SLC17A4: variants seen among roughly 807,000 people sequenced by gnomAD.
SLC17A4 encodes the protein solute carrier family 17 member 4.
SLC17A4 carries 33 observed loss-of-function variants against 52.5 expected under a neutral mutation model. The observed-to-expected ratio is 0.63, with a 90% confidence interval of 0.48 to 0.84. The LOEUF (loss-of-function observed/expected upper bound fraction) is 0.84. Among genes scored for constraint, SLC17A4 ranks in the 40% least tolerant of loss-of-function variants. The pLI is 0.00. For missense variants in SLC17A4, 585 were observed against 597.1 expected, an observed-to-expected ratio of 0.98 and a Z score of 0.21; for synonymous variants, 225 against 216.2, an observed-to-expected ratio of 1.04 and a Z score of -0.36.
Position 25,779,708 on chromosome 6 carries a change from C to T in SLC17A4, c.*520C>T, listed in dbSNP as rs1260560200. The T allele has an allele frequency of 6.6e-6, 1 of 152,274 alleles. No individual in the cohort carries two copies. The highest frequency in any genetic ancestry group is 6.5e-5 in the Admixed American group (1 of 15,276). 9.4% of individuals were successfully genotyped at this position (152,274 alleles called of 1,614,324 possible). A position where few individuals can be genotyped will look rare whatever the true frequency, so the allele number is the denominator to read the frequency against. On this transcript the variant is annotated 3_prime_UTR_variant, in exon 12 of 12. Transcript: ENST00000377905. Reference sequence around the variant, plus strand: ...ATGGGAGCAAGATAGTACACTTTAACTCTTTCAGACAACTTGCATTCTGTG... The same window carrying T: ...ATGGGAGCAAGATAGTACACTTTAATTCTTTCAGACAACTTGCATTCTGTG...
At chr6:25,773,994 T>A (rs186913484) in intron 8 of SLC17A4, among the ~76,000 whole-genome samples, 20 of 152,192 alleles carry the variant, frequency 1.3e-4, no homozygotes, top group African/African-American at 4.3e-4. Flanking sequence ...CTCAATCCCA[T>A]CAAAATTTGC....
chr6:25,760,126 G>A (rs1761407635), intron 1 of SLC17A4, among the ~76,000 whole-genome samples: 1 of 152,146 alleles, frequency 6.6e-6, no homozygotes, highest in African/African-American at 2.4e-5. Context: ...TTTTTAAAAT[G>A]TTTATGAAAA....
At chr6:25,761,304 C>T (rs1191838574) in intron 1 of SLC17A4, among the ~76,000 whole-genome samples, 1 of 152,202 alleles carries the variant, frequency 6.6e-6, no homozygotes, top group Non-Finnish European at 1.5e-5. Context: ...GCATCTGACT[C>T]TATATTAGAA....
chr6:25,773,382 T>C lies in SLC17A4; in HGVS notation c.814T>C (p.Leu272=), dbSNP rs1185193042. The part of the protein sequence containing the change: ...AGEKRYIVCS[L]AQQDCSPGWS... The stretch of plus-strand genomic sequence containing the variant: ...TGAGAAGAGATACATTGTGTGTTCA[T>C]TGGCTCAGCAGGTACATTGAGGAAC... Residue 272 remains leucine (L), a synonymous_variant, in exon 7 of 12, where the codon TTG becomes CTG. Transcript: ENST00000377905. The C allele has an allele frequency of 6.2e-6, 10 of 1,613,846 alleles. No individual in the cohort carries two copies. Among genetic ancestry groups the C allele is most frequent in the Non-Finnish European group, 8.5e-6 (10 of 1,179,782 alleles).
At chr6:25,776,547 G>T in intron 8 of SLC17A4, 48 bp from the exon 9 acceptor site, 1 of 1,549,494 alleles carries the variant, frequency 6.5e-7, no homozygotes, top group South Asian at 1.3e-5. Context: ...CTGTGTCGTG[G>T]TGGGGGTGGT....
intron 5 of SLC17A4, 123 bp downstream of exon 5, chr6:25,770,594 C>A: frequency 1.2e-6 from 1 of 839,210 alleles, no homozygotes; most frequent in Admixed American, 2.0e-5. Flanking sequence ...CCTTAAAGCA[C>A]TACCCCATAC....
Position 25,779,068 on chromosome 6 carries a change from T to A in SLC17A4, c.1374T>A (p.Gly458=), listed in dbSNP as rs780708706. The A allele has an allele frequency of 5.0e-6, 8 of 1,613,636 alleles. No homozygotes were observed. The highest frequency in any genetic ancestry group is 6.8e-6 in the Non-Finnish European group (8 of 1,179,720). ...GFFISQDSEF[G]WRNVFLLSAA... ...TCTGCCTCCAGGATTCAGAGTTTGG[T>A]TGGAGAAATGTCTTCTTGCTTTCAG... The change falls in exon 12 of 12, where the codon GGT becomes GGA. Residue 458 remains glycine (G), a synonymous_variant. Transcript: ENST00000377905.
At chr6:25,764,937 C>T (rs954961162) in intron 2 of SLC17A4, among the ~76,000 whole-genome samples, 1 of 152,198 alleles carries the variant, frequency 6.6e-6, no homozygotes, top group Non-Finnish European at 1.5e-5. Context: ...TAAAATGGTA[C>T]AGTAGTTAGC....
chr6:25,757,398 C>T (rs891758040), intron 1 of SLC17A4, among the ~76,000 whole-genome samples: 1 of 151,990 alleles, frequency 6.6e-6, no homozygotes, highest in African/African-American at 2.4e-5. Context: ...TTTATATCTG[C>T]TTGGTGCTGT....
chr6:25,769,068 A>T lies in SLC17A4; in HGVS notation c.175A>T (p.Ile59Phe). The T allele has an allele frequency of 6.2e-7, 1 of 1,614,078 alleles. No homozygotes were observed. Among genetic ancestry groups the T allele is most frequent in the Non-Finnish European group, 8.5e-7 (1 of 1,179,994 alleles). Residue 59 changes from isoleucine (I) to phenylalanine (F), a missense_variant, in exon 3 of 12, where the codon ATT becomes TTT. Coordinates refer to ENST00000377905, the MANE Select transcript of SLC17A4 (RefSeq NM_005495.3). ...SIYTQQMNLSIAIPAMVNNTA... is the reference protein window; with the variant it reads ...SIYTQQMNLSFAIPAMVNNTA... ...TTACACCCAACAAATGAACTTGAGC[A>T]TTGCCATCCCAGCTATGGTGAACAA... is the stretch of plus-strand genomic sequence containing the variant.
Position 25,773,134 on chromosome 6 carries a change from G to T in SLC17A4, c.707-141G>T, listed in dbSNP as rs1452574226. ...GTGGTGAGGAAGTACCCTCCCCCAT[G>T]ATAGGGCCATGCAAGGGATAGATGC... is the stretch of plus-strand genomic sequence containing the variant. On this transcript the variant is annotated intron_variant, in intron 6 of 11. Transcript: ENST00000377905. 2.1e-5 allele frequency: 15 copies of T among 723,172 alleles called. No homozygotes were observed. The East Asian group carries it at 3.7e-4, about 18-fold the overall frequency. 44.8% of individuals were successfully genotyped at this position (723,172 alleles called of 1,614,324 possible).
Position 25,773,693 on chromosome 6 carries a change from C to G in SLC17A4, c.987+19C>G. On this transcript the variant is annotated intron_variant, in intron 8 of 11. Coordinates refer to ENST00000377905, the MANE Select transcript of SLC17A4 (RefSeq NM_005495.3). ...CAGAGATGTAAGTACAGAGAAAGCT[C>G]ATTCTGATCTTCTGTTTAAATGCTT... 6.2e-7 allele frequency: 1 copy of G among 1,608,004 alleles called. No homozygotes were observed. The highest frequency in any genetic ancestry group is 8.5e-7 in the Non-Finnish European group (1 of 1,177,064).
chr6:25,765,113 G>A lies in SLC17A4; in HGVS notation c.91+3060G>A, dbSNP rs2151430071. Among the ~76,000 whole-genome samples the A allele has an allele frequency of 2.0e-5, 3 of 152,288 alleles. No homozygotes were observed. In the South Asian group the frequency reaches 6.2e-4, roughly 32 times the overall value. ...AAGTCACACACAACTGGCTTTTATG[G>A]TCCAAGGCTGTAGGGGTGGACTACA... On this transcript the variant is annotated intron_variant, in intron 2 of 11. Transcript: ENST00000377905.
Position 25,777,934 on chromosome 6 carries a change from G to C in SLC17A4, c.1277G>C (p.Gly426Ala). 1 of 1,612,708 alleles carries C rather than the reference G, an allele frequency of 6.2e-7. No homozygotes were observed. Among genetic ancestry groups the C allele is most frequent in the South Asian group, 1.1e-5 (1 of 91,000 alleles). ...CCATCTCTCTCTCTCAGGTACACTGGCTTTCTCAAAGGACTATTGCAAGTC... is the reference window on the plus strand; with the variant it reads ...CCATCTCTCTCTCTCAGGTACACTGCCTTTCTCAAAGGACTATTGCAAGTC... ...NFLDIAPRYTGFLKGLLQVFA... is the reference protein window; with the variant it reads ...NFLDIAPRYTAFLKGLLQVFA... Residue 426 changes from glycine (G) to alanine (A), a missense_variant, in exon 11 of 12, where the codon GGC becomes GCC. Coordinates refer to ENST00000377905, the MANE Select transcript of SLC17A4 (RefSeq NM_005495.3).
intron 2 of SLC17A4, among the ~76,000 whole-genome samples, chr6:25,767,502 C>T (rs1304173915): frequency 1.3e-5 from 2 of 152,088 alleles, no homozygotes; most frequent in Non-Finnish European, 2.9e-5. Flanking sequence ...CCAGAATACA[C>T]AGCTATAAGT....
At position 25,770,482 on chromosome 6, in the gene SLC17A4, C is replaced by T. The variant is rs1384788687; in HGVS notation, c.619+11C>T. The T allele has an allele frequency of 1.2e-6, 2 of 1,612,560 alleles. No individual in the cohort carries two copies. The highest frequency in any genetic ancestry group is 1.1e-5 in the South Asian group (1 of 91,040). On this transcript the variant is annotated intron_variant, in intron 5 of 11. Transcript: ENST00000377905. ...CCATTGCTGGATCAGGTAACTGGTA[C>T]CCTAAACCTCACTTTACATGCACTG... is the stretch of plus-strand genomic sequence containing the variant.
chr6:25,761,881 A>G, intron 1 of SLC17A4, 46 bp from the exon 2 acceptor site: 4 of 1,138,192 alleles, frequency 3.5e-6, no homozygotes, highest in Non-Finnish European at 5.2e-6. Context: ...GGGTAATATC[A>G]TATAAGATTC....
intron 1 of SLC17A4, among the ~76,000 whole-genome samples, chr6:25,755,117 T>C (rs550394553): frequency 1.2e-4 from 17 of 136,704 alleles, no homozygotes; most frequent in African/African-American, 4.4e-4. Context: ...AGACAGAAAC[T>C]AAATGATATA....
intron 8 of SLC17A4, 94 bp downstream of exon 8, chr6:25,773,768 A>G (rs1762670992): frequency 1.4e-6 from 2 of 1,388,480 alleles, no homozygotes; most frequent in East Asian, 2.3e-5. Flanking sequence ...TAGTCACAAA[A>G]TCGGGGGATT....
Sources: gnomAD v4.1 joint callset for allele counts (sites outside exome capture counted in the v4.1 genomes callset) on GRCh38, gnomAD v4.1.1 for gene constraint, MANE v1.5 for transcripts, NCBI Gene and HGNC (gene_info 2026-07-23, HGNC 2026-07-21) for gene names.